RDX: variants seen among roughly 807,000 people sequenced by gnomAD.
The protein encoded by RDX is deafness, autosomal recessive 24.
Under a neutral mutation model 83.7 loss-of-function variants are expected in RDX, and 32 were observed. The ratio of observed to expected loss-of-function variants is 0.38; its 90% confidence interval spans 0.29 to 0.51. The LOEUF is 0.51. RDX is among the 20% of genes least tolerant of loss of function. The probability of loss-of-function intolerance (pLI) is 0.87; values close to 1 mark genes in which losing one functional copy is unlikely to be tolerated. For missense variants in RDX, 600 were observed against 689.9 expected, an observed-to-expected ratio of 0.87 and a Z score of 1.46; for synonymous variants, 229 against 222.7, an observed-to-expected ratio of 1.03 and a Z score of -0.25.
At chr11:110,273,499 G>T (rs538436636) in intron 2 of RDX, among the ~76,000 whole-genome samples, 1 of 152,104 alleles carries the variant, frequency 6.6e-6, no homozygotes, top group Non-Finnish European at 1.5e-5. Flanking sequence ...CTGCAACCTT[G>T]ATCTCCTGGA....
chr11:110,256,747 T>A (rs1295411085), intron 7 of RDX, among the ~76,000 whole-genome samples: 3 of 152,172 alleles, frequency 2.0e-5, no homozygotes, highest in African/African-American at 7.2e-5. Flanking sequence ...CAAAAATTAG[T>A]CTTGAAGTCA....
intron 10 of RDX, among the ~76,000 whole-genome samples, chr11:110,244,763 A>G (rs1471701471): frequency 1.3e-5 from 2 of 149,366 alleles, no homozygotes; most frequent in Non-Finnish European, 2.9e-5. Context: ...AAAATGATAA[A>G]CAAAACTAAT....
intron 1 of RDX, chr11:110,288,221 C>G (rs1200434603): frequency 3.3e-5 from 5 of 152,102 alleles, no homozygotes; most frequent in Non-Finnish European, 7.4e-5. Context: ...AAGCAAATTT[C>G]TAAAATTTAT....
intron 1 of RDX, among the ~76,000 whole-genome samples, chr11:110,286,552 T>C (rs1232926658): frequency 6.6e-6 from 1 of 152,268 alleles, no homozygotes; most frequent in Non-Finnish European, 1.5e-5. Context: ...GTCCATGCAG[T>C]GCCTGCACTG....
intron 1 of RDX, among the ~76,000 whole-genome samples, chr11:110,294,207 CAACATGGCA>C (rs1341749825): frequency 6.6e-6 from 1 of 152,216 alleles, no homozygotes; most frequent in Non-Finnish European, 1.5e-5. Flanking sequence ...CCAGCCTGGC[CAACATGGCA>C]AAACCCCGTC....
At chr11:110,190,550 G>A (rs1863083577) in intron 15 of RDX, among the ~76,000 whole-genome samples, 1 of 152,028 alleles carries the variant, frequency 6.6e-6, no homozygotes, top group Non-Finnish European at 1.5e-5. Flanking sequence ...AGAAAAACAA[G>A]AACAAACTAA....
intron 9 of RDX, 63 bp from the exon 10 acceptor site, chr11:110,247,896 A>C: frequency 6.6e-7 from 1 of 1,509,038 alleles, no homozygotes; most frequent in African/African-American, 1.4e-5. Context: ...ATGTGATGGA[A>C]TACTACTCTG....
chr11:110,242,396 C>T (rs940195416), intron 10 of RDX, among the ~76,000 whole-genome samples: 7 of 148,934 alleles, frequency 4.7e-5, no homozygotes, highest in Admixed American at 1.3e-4. Context: ...ATTGCACAAT[C>T]GCACTCCAGC....
At chr11:110,201,634 A>G (rs1169322137) in intron 14 of RDX, among the ~76,000 whole-genome samples, 2 of 152,240 alleles carry the variant, frequency 1.3e-5, no homozygotes, top group African/African-American at 2.4e-5. Flanking sequence ...CAGGAGGCTC[A>G]GGATTTGTGA....
At chr11:110,245,199 G>A (rs1289297294) in intron 10 of RDX, among the ~76,000 whole-genome samples, 1 of 152,072 alleles carries the variant, frequency 6.6e-6, no homozygotes, top group Non-Finnish European at 1.5e-5. Flanking sequence ...TGATCTGCCC[G>A]CCTCAGCCTC....
Position 110,267,515 on chromosome 11 carries a change from AACACACACACACACAC to A in RDX, c.97-2657_97-2642del, listed in dbSNP as rs71053877. 8.3e-4 allele frequency among the ~76,000 whole-genome samples: 109 copies of A among 131,452 alleles called. 1 individual carries two copies. The highest frequency in any genetic ancestry group is 4.7e-3 in the East Asian group (20 of 4,272). 86.2% of individuals were successfully genotyped at this position (131,452 alleles called of 152,430 possible). Reference sequence around the variant, plus strand: ...GTGCCAGAGCGAGACTCCGTCTCAAAACACACACACACACACACACACACACACACACACACACACA... The same window carrying A: ...GTGCCAGAGCGAGACTCCGTCTCAAAACACACACACACACACACACACACA... On this transcript the variant is annotated intron_variant, in intron 3 of 13. Transcript: ENST00000645495.
chr11:110,206,789 C>A (rs575213133), intron 14 of RDX, among the ~76,000 whole-genome samples: 2 of 152,026 alleles, frequency 1.3e-5, no homozygotes, highest in Admixed American at 1.3e-4. Context: ...TTGAGCCATT[C>A]GAATTTCAAA....
At chr11:110,240,987 C>T (rs368235441) in intron 10 of RDX, among the ~76,000 whole-genome samples, 7 of 122,034 alleles carry the variant, frequency 5.7e-5, no homozygotes, top group South Asian at 6.0e-4. Flanking sequence ...ACCCAGGAGG[C>T]GGAGGTTGCA....
At chr11:110,267,683 G>A (rs1860113469) in intron 3 of RDX, among the ~76,000 whole-genome samples, 1 of 151,900 alleles carries the variant, frequency 6.6e-6, no homozygotes, top group Admixed American at 6.6e-5. Flanking sequence ...AAAAACACTG[G>A]CTGGGCACAG....
At chr11:110,177,506 T>C in intron 15 of RDX, among the ~76,000 whole-genome samples, 1 of 152,146 alleles carries the variant, frequency 6.6e-6, no homozygotes, top group East Asian at 1.9e-4. Flanking sequence ...TTCTTCCCTC[T>C]CCCTCCCAGA....
chr11:110,240,648 G>A (rs569812717), intron 10 of RDX, among the ~76,000 whole-genome samples: 1 of 151,450 alleles, frequency 6.6e-6, no homozygotes, highest in East Asian at 2.0e-4. Flanking sequence ...GGGAGGCTGA[G>A]GCAGGAGAAT....
intron 14 of RDX, among the ~76,000 whole-genome samples, chr11:110,204,641 C>T (rs757396436): frequency 3.3e-5 from 5 of 151,386 alleles, no homozygotes; most frequent in African/African-American, 7.3e-5. Flanking sequence ...CTCAGCCTCC[C>T]GAGTAGCTGC....
At chr11:110,215,986 C>T (rs183159294) in intron 14 of RDX, among the ~76,000 whole-genome samples, 1 of 152,232 alleles carries the variant, frequency 6.6e-6, no homozygotes, top group East Asian at 1.9e-4. Flanking sequence ...TACACTGACA[C>T]TTCCATCCCT....
intron 15 of RDX, among the ~76,000 whole-genome samples, chr11:110,184,365 C>A (rs1216070253): frequency 6.6e-6 from 1 of 152,220 alleles, no homozygotes; most frequent in Non-Finnish European, 1.5e-5. Context: ...GCCTCTGTCT[C>A]CCTGACATGG....
Sources: allele counts gnomAD v4.1 joint callset (sites outside exome capture counted in the v4.1 genomes callset), GRCh38; gene constraint gnomAD v4.1.1; transcripts MANE v1.5; gene names NCBI Gene and HGNC (gene_info 2026-07-23, HGNC 2026-07-21).